Variants in EFNA4 observed in about 807,000 individuals in gnomAD.
The protein encoded by EFNA4 is ephrin A4.
In EFNA4, 22 loss-of-function variants were observed where a neutral mutation model predicts 23.7. The ratio of observed to expected loss-of-function variants is 0.93; its 90% CI spans 0.66 to 1.32. The LOEUF is 1.32. Ranked by LOEUF, EFNA4 falls within the 40% of genes most tolerant of loss-of-function variation. The pLI, the probability that EFNA4 is intolerant of heterozygous loss-of-function variation, is 0.00. For missense variants in EFNA4, 252 were observed against 252.3 expected (o/e 1.00, Z 0.01); for synonymous variants, 113 against 108.3 (o/e 1.04, Z -0.27).
chr1:155,066,844 C>G lies in EFNA4; in HGVS notation c.228C>G (p.Tyr76Ter). ...AGGGCCCCGAGACGTTTGCTTTGTA[C>G]ATGGTGGACTGGCCAGGCTATGAGT... Reference protein sequence around the residue: ...PPEGPETFALYMVDWPGYESC... With the variant: ...PPEGPETFAL The change falls in exon 2 of 4, where the codon TAC becomes TAG. Residue 76 changes from tyrosine to a stop codon, truncating the protein, a stop_gained. Coordinates refer to ENST00000368409, the MANE Select transcript of EFNA4 (RefSeq NM_005227.3). LOFTEE classifies it high-confidence loss of function. 3 of 1,614,064 alleles carry G rather than the reference C, an allele frequency of 1.9e-6. No homozygotes were observed. Among genetic ancestry groups the G allele is most frequent in the Middle Eastern group, 3.3e-4 (2 of 6,062 alleles).
chr1:155,069,111 A>G lies in EFNA4; in HGVS notation c.*122A>G. On this transcript the variant is annotated 3_prime_UTR_variant, in exon 4 of 4. Coordinates refer to ENST00000368409, the MANE Select transcript of EFNA4 (RefSeq NM_005227.3). ...TTCAGACCGACAAGATGGAGCATTGATGGGGGAGATCAGAGGGTCTGAGGT... is the reference window on the plus strand; with the variant it reads ...TTCAGACCGACAAGATGGAGCATTGGTGGGGGAGATCAGAGGGTCTGAGGT... 1.2e-6 allele frequency: 2 copies of G among 1,610,962 alleles called. No homozygotes were observed. The highest frequency in any genetic ancestry group is 8.5e-7 in the Non-Finnish European group (1 of 1,179,030).
At position 155,067,379 on chromosome 1, in the gene EFNA4, C is replaced by T. The variant is rs41264287; in HGVS notation, c.408C>T (p.Pro136=). ...CACTTTCCCACTACCCAGCGGTGCC[C>T]ACTCCAGAGAGTTCTGGCCAGTGCT... ...PGETYYYISV[P]TPESSGQCLR... Residue 136 remains proline, a synonymous_variant, in exon 3 of 4, where the codon CCC becomes CCT. Coordinates refer to ENST00000368409, the MANE Select transcript of EFNA4 (RefSeq NM_005227.3). The T allele has an allele frequency of 1.9e-6, 3 of 1,614,182 alleles. No homozygotes were observed. The highest frequency in any genetic ancestry group is 2.5e-6 in the Non-Finnish European group (3 of 1,180,014).
At chr1:155,067,343 T>C (rs374810963) in intron 2 of EFNA4, 29 bp from the exon 3 acceptor site, 1 of 1,613,782 alleles carries the variant, frequency 6.2e-7, no homozygotes, top group African/African-American at 1.3e-5. Flanking sequence ...CTCCCTGTGC[T>C]AACTTTTTCC....
intron 1 of EFNA4, among the ~76,000 whole-genome samples, 200 bp from the exon 2 acceptor site, chr1:155,066,530 C>T (rs1399767828): frequency 5.3e-5 from 8 of 152,214 alleles, no homozygotes; most frequent in Admixed American, 1.3e-4. Context: ...ACCTGTGAAT[C>T]GATCATCTCA....
intron 1 of EFNA4, among the ~76,000 whole-genome samples, chr1:155,066,432 G>C (rs1663047056): frequency 6.6e-6 from 1 of 152,220 alleles, no homozygotes; most frequent in Admixed American, 6.5e-5. Flanking sequence ...GTGTGTGGCA[G>C]CTCCAGCCTG....
Position 155,066,865 on chromosome 1 carries a change from T to G in EFNA4, c.249T>G (p.Tyr83Ter), listed in dbSNP as rs370806650. The change falls in exon 2 of 4, where the codon TAT becomes TAG. Residue 83 changes from tyrosine to a stop codon, truncating the protein, a stop_gained. Coordinates refer to ENST00000368409, the MANE Select transcript of EFNA4 (RefSeq NM_005227.3). LOFTEE classifies it high-confidence loss of function. The stretch of plus-strand genomic sequence containing the variant: ...TGTACATGGTGGACTGGCCAGGCTA[T>G]GAGTCCTGCCAGGCAGAGGGCCCCC... ...FALYMVDWPGYESCQAEGPRA... is the reference protein window; with the variant it reads ...FALYMVDWPG The G allele has an allele frequency of 6.2e-7, 1 of 1,613,962 alleles. No individual in the cohort carries two copies. The highest frequency in any genetic ancestry group is 1.3e-5 in the African/African-American group (1 of 74,946).
At position 155,066,816 on chromosome 1, in the gene EFNA4, CTGAGG is replaced by C. The variant is rs1663057416; in HGVS notation, c.201_205del (p.Glu68ProfsTer15). ...CCCCACTACGAAGGCCCAGGGCCCC[CTGAGG>C]GCCCCGAGACGTTTGCTTTGTACAT... On this transcript the variant is annotated frameshift_variant, in exon 2 of 4. Transcript: ENST00000368409. LOFTEE classifies it high-confidence loss of function. The C allele has an allele frequency of 6.2e-7, 1 of 1,613,832 alleles. No individual in the cohort carries two copies. The highest frequency in any genetic ancestry group is 1.1e-5 in the South Asian group (1 of 91,082).
chr1:155,065,763 C>T (rs1355448699), intron 1 of EFNA4, among the ~76,000 whole-genome samples: 5 of 150,404 alleles, frequency 3.3e-5, no homozygotes, highest in African/African-American at 7.4e-5. Context: ...GATGGAGTCT[C>T]GCTCTGTCTC....
chr1:155,067,127 A>T lies in EFNA4; in HGVS notation c.400+111A>T. On this transcript the variant is annotated intron_variant, in intron 2 of 3. Transcript: ENST00000368409. ...TGGGTCTCTAATGTACATCGGGTTGAGGTATGGGCTGAACTCAGGACTGAG... is the reference window on the plus strand; with the variant it reads ...TGGGTCTCTAATGTACATCGGGTTGTGGTATGGGCTGAACTCAGGACTGAG... The T allele has an allele frequency of 1.5e-6, 2 of 1,346,306 alleles. 1 individual carries two copies. Among genetic ancestry groups the T allele is most frequent in the South Asian group, 2.8e-5 (2 of 71,428 alleles). 83.4% of individuals were successfully genotyped at this position (1,346,306 alleles called of 1,614,324 possible). A position where few individuals can be genotyped will look rare whatever the true frequency, so the allele number is the denominator to read the frequency against.
intron 1 of EFNA4, 53 bp from the exon 2 acceptor site, chr1:155,066,677 G>T: frequency 6.6e-7 from 1 of 1,517,480 alleles, no homozygotes; most frequent in Non-Finnish European, 8.8e-7. Flanking sequence ...GGCATCCATG[G>T]CCATGGCGTG....
Position 155,066,908 on chromosome 1 carries a change from GT to G in EFNA4, c.293del (p.Val98GlyfsTer48). 6.2e-7 allele frequency: 1 copy of G among 1,614,180 alleles called. No homozygotes were observed. The highest frequency in any genetic ancestry group is 8.5e-7 in the Non-Finnish European group (1 of 1,180,044). ...GGGCCCCCGGGCCTACAAGCGCTGG[GT>G]GTGCTCCCTGCCCTTTGGCCATGTT... ...AEGPRAYKRWVCSLPFGHVQF... is the reference protein window; with the variant it reads ...AEGPRAYKRWXCSLPFGHVQF... On this transcript the variant is annotated frameshift_variant, in exon 2 of 4. Coordinates refer to ENST00000368409, the MANE Select transcript of EFNA4 (RefSeq NM_005227.3). LOFTEE classifies it high-confidence loss of function.
intron 1 of EFNA4, among the ~76,000 whole-genome samples, chr1:155,065,526 CT>C (rs71586050): frequency 0.014 from 1,844 of 131,552 alleles, 42 homozygotes; most frequent in African/African-American, 0.041. Context: ...CTCCCTCATT[CT>C]TTTTTTTTTT....
Position 155,063,960 on chromosome 1 carries a change from C to CG in EFNA4, c.113+25dup, listed in dbSNP as rs1017478720. ...AGGTAGCCGGGCCGAACCGGGCGAG[C>CG]GCACAGCCAAGTCTGCGCGCTCCCG... On this transcript the variant is annotated intron_variant, in intron 1 of 3. Transcript: ENST00000368409. The surrounding 1 kb of genome is among the most constrained non-coding windows in gnomAD (Gnocchi z 4.1). 1.1e-5 allele frequency: 16 copies of CG among 1,522,108 alleles called. No homozygotes were observed. Among genetic ancestry groups the CG allele is most frequent in the African/African-American group, 2.9e-5 (2 of 70,098 alleles). The allele number at this position is 1,522,108 out of a possible 1,614,324, so 94.3% of individuals were successfully genotyped here. A position where few individuals can be genotyped will look rare whatever the true frequency, so the allele number is the denominator to read the frequency against.
Position 155,067,356 on chromosome 1 carries a change from C to T in EFNA4, c.401-16C>T, listed in dbSNP as rs1323203934. 1 of 1,614,140 alleles carries T rather than the reference C, an allele frequency of 6.2e-7. No homozygotes were observed. Among genetic ancestry groups the T allele is most frequent in the South Asian group, 1.1e-5 (1 of 91,078 alleles). On this transcript the variant is annotated splice_polypyrimidine_tract_variant and intron_variant, in intron 2 of 3. Coordinates refer to ENST00000368409, the MANE Select transcript of EFNA4 (RefSeq NM_005227.3). ...GACTCCCTGTGCTAACTTTTTCCCA[C>T]TTTCCCACTACCCAGCGGTGCCCAC...
rs779807669 is a variant in EFNA4 at position 155,069,021 on chromosome 1, G to T, written c.*32G>T. ...CAGACCTTCCCTCTCATCCCAAGGA[G>T]CCAGAGTCCTCCCAAGATCCCCTGG... On this transcript the variant is annotated 3_prime_UTR_variant, in exon 4 of 4. Transcript: ENST00000368409. 5 of 1,612,850 alleles carry T rather than the reference G, an allele frequency of 3.1e-6. No individual in the cohort carries two copies. The highest frequency in any genetic ancestry group is 1.7e-6 in the Non-Finnish European group (2 of 1,179,392).
rs1256233082 is a variant in EFNA4 at position 155,066,972 on chromosome 1, C to T, written c.356C>T (p.Ser119Phe). Reference protein sequence around the residue: ...SEKIQRFTPFSLGFEFLPGET... With the variant: ...SEKIQRFTPFFLGFEFLPGET... ...AAGATTCAGCGCTTCACACCCTTCT[C>T]CCTCGGCTTTGAGTTCTTACCTGGA... Residue 119 changes from serine to phenylalanine, a missense_variant, in exon 2 of 4, where the codon TCC becomes TTC. Physicochemically the swap from Ser to Phe is radical, Grantham distance 155. Transcript: ENST00000368409. The T allele has an allele frequency of 1.9e-6, 3 of 1,613,712 alleles. No homozygotes were observed. The highest frequency in any genetic ancestry group is 8.5e-7 in the Non-Finnish European group (1 of 1,179,904).
In EFNA4 at chr1:155,068,427, A is replaced by ATTTTTTTT. The variant is rs71077978; in HGVS notation, c.470-399_470-392dup. ...ACTACAGGTGTGTGCCACCCAGCTGATTTTTTTTTTTTTTTTTTTTTTTTT... is the reference window on the plus strand; with the variant it reads ...ACTACAGGTGTGTGCCACCCAGCTGATTTTTTTTTTTTTTTTTTTTTTTTTTTTTTTTT... On this transcript the variant is annotated intron_variant, in intron 3 of 3. Transcript: ENST00000368409. Among the ~76,000 whole-genome samples, 49 of 25,374 alleles carry ATTTTTTTT rather than the reference A, an allele frequency of 1.9e-3. 18 individuals are homozygous for ATTTTTTTT. The highest frequency in any genetic ancestry group is 9.7e-3 in the East Asian group (7 of 722). The allele number at this position is 25,374 out of a possible 152,430, so 16.6% of individuals were successfully genotyped here.
intron 2 of EFNA4, 33 bp downstream of exon 2, chr1:155,067,049 G>T (rs771646597): frequency 6.4e-7 from 1 of 1,572,110 alleles, no homozygotes; most frequent in Admixed American, 1.8e-5. Context: ...GACACCTCTT[G>T]TGTACCAGAA....
chr1:155,065,464 C>G (rs925787654), intron 1 of EFNA4, among the ~76,000 whole-genome samples: 2 of 151,622 alleles, frequency 1.3e-5, no homozygotes, highest in Non-Finnish European at 2.9e-5. Context: ...GGACTCCCCC[C>G]ATGCCTGGCA....
Sources: gnomAD v4.1 joint callset for allele counts (sites outside exome capture counted in the v4.1 genomes callset) on GRCh38, gnomAD v4.1.1 for gene constraint, Gnocchi (gnomAD v3.1) non-coding constraint, MANE v1.5 for transcripts, NCBI Gene and HGNC (gene_info 2026-07-23, HGNC 2026-07-21) for gene names.